QTMAN: variants seen among roughly 807,000 people sequenced by gnomAD.
QTMAN encodes queuosine-tRNA mannosyltransferase, also known as tRNA-queuosine alpha-mannosyltransferase.
At chr2:143,982,236 CT>C in the QTMAN span, among the ~76,000 whole-genome samples, 64 of 145,920 alleles carry the variant, frequency 4.4e-4, no homozygotes, top group Admixed American at 6.8e-4. Context: ...CTTTCTTTCT[CT>C]TTTTTTTTTT....
At chr2:144,035,239 T>C in the QTMAN span, among the ~76,000 whole-genome samples, 1 of 152,304 alleles carries the variant, frequency 6.6e-6, no homozygotes, top group Admixed American at 6.5e-5. Context: ...ACTTCTGCCA[T>C]GATTGTAAGT....
the QTMAN span, among the ~76,000 whole-genome samples, chr2:143,955,089 T>A: frequency 6.6e-6 from 1 of 152,132 alleles, no homozygotes; most frequent in African/African-American, 2.4e-5. Context: ...ATGAATCTGA[T>A]AGGTGAAATT....
the QTMAN span, among the ~76,000 whole-genome samples, chr2:144,132,985 C>T: frequency 0.017 from 2,464 of 146,878 alleles, 26 homozygotes; most frequent in Non-Finnish European, 0.026. Flanking sequence ...AACTGAGGCT[C>T]TGGAAGGTTT....
the QTMAN span, among the ~76,000 whole-genome samples, chr2:144,063,438 C>T: frequency 1.3e-5 from 2 of 152,086 alleles, no homozygotes; most frequent in African/African-American, 2.4e-5. Context: ...CATTATATAA[C>T]AAATGCCTCA....
the QTMAN span, among the ~76,000 whole-genome samples, chr2:144,289,191 A>G: frequency 6.6e-6 from 1 of 151,782 alleles, no homozygotes; most frequent in Non-Finnish European, 1.5e-5. Flanking sequence ...CTGCCACCAT[A>G]CCCAGCTAGA....
the QTMAN span, chr2:144,007,598 A>C: frequency 9.4e-7 from 1 of 1,061,546 alleles, no homozygotes; most frequent in Non-Finnish European, 1.3e-6. Context: ...TTTGTCCTTT[A>C]CCTTCCTGTA....
the QTMAN span, among the ~76,000 whole-genome samples, chr2:144,284,974 A>G: frequency 3.3e-4 from 46 of 139,228 alleles, no homozygotes; most frequent in African/African-American, 1.3e-3. Context: ...GATGTAGTGG[A>G]GCACTCCCGT....
At chr2:144,201,563 A>G in the QTMAN span, among the ~76,000 whole-genome samples, 1 of 152,204 alleles carries the variant, frequency 6.6e-6, no homozygotes, top group Non-Finnish European at 1.5e-5. Flanking sequence ...GGATATAGGC[A>G]CTAAGCTTTC....
the QTMAN span, among the ~76,000 whole-genome samples, chr2:144,104,581 G>A: frequency 3.9e-5 from 6 of 152,196 alleles, no homozygotes; most frequent in African/African-American, 1.4e-4. Flanking sequence ...CAATTGCTGA[G>A]GCTTGACAAG....
At chr2:144,076,033 G>C in the QTMAN span, among the ~76,000 whole-genome samples, 2 of 152,188 alleles carry the variant, frequency 1.3e-5, no homozygotes, top group Admixed American at 6.5e-5. Context: ...TGGATCACGA[G>C]GTCAGGAGAT....
the QTMAN span, chr2:144,208,584 C>T: frequency 6.3e-7 from 1 of 1,598,362 alleles, no homozygotes; most frequent in Non-Finnish European, 8.5e-7. Context: ...GCTGAAAATG[C>T]ATCCTGAGCT....
At chr2:144,229,753 C>A in the QTMAN span, among the ~76,000 whole-genome samples, 6 of 152,150 alleles carry the variant, frequency 3.9e-5, no homozygotes, top group Admixed American at 2.0e-4. Context: ...TAATTCCTCA[C>A]AGAATGAAAT....
At chr2:144,273,766 G>A in the QTMAN span, among the ~76,000 whole-genome samples, 1 of 152,122 alleles carries the variant, frequency 6.6e-6, no homozygotes, top group African/African-American at 2.4e-5. Flanking sequence ...AGGAATTTGA[G>A]GGTCACAACC....
At chr2:144,257,330 T>C in the QTMAN span, among the ~76,000 whole-genome samples, 1 of 151,986 alleles carries the variant, frequency 6.6e-6, no homozygotes, top group African/African-American at 2.4e-5. Flanking sequence ...GGAGTTATGA[T>C]ATTAAGTTTC....
chr2:144,268,820 C>CCA, the QTMAN span, among the ~76,000 whole-genome samples: 1 of 151,876 alleles, frequency 6.6e-6, no homozygotes, highest in African/African-American at 2.4e-5. Context: ...TTTTGACTCT[C>CCA]GCTCTGTCAC....
the QTMAN span, among the ~76,000 whole-genome samples, chr2:144,082,013 G>C: frequency 6.4e-4 from 98 of 152,026 alleles, no homozygotes; most frequent in Non-Finnish European, 1.2e-3. Flanking sequence ...TCAGCCTCCC[G>C]AGTACCTGGA....
At chr2:144,322,842 C>T in the QTMAN span, among the ~76,000 whole-genome samples, 1 of 152,236 alleles carries the variant, frequency 6.6e-6, no homozygotes, top group African/African-American at 2.4e-5. Flanking sequence ...AATATTGGCT[C>T]ACTGAGTTAT....
At chr2:144,295,455 T>C in the QTMAN span, 1 of 152,348 alleles carries the variant, frequency 6.6e-6, no homozygotes, top group South Asian at 2.1e-4. Flanking sequence ...CAACACTCCC[T>C]ATGAATCCAG....
At chr2:144,289,969 A>G in the QTMAN span, among the ~76,000 whole-genome samples, 1 of 152,248 alleles carries the variant, frequency 6.6e-6, no homozygotes, top group Non-Finnish European at 1.5e-5. Flanking sequence ...GGATGTGTAA[A>G]CAGACTGTAA....
Sources: gnomAD v4.1 joint callset for allele counts (sites outside exome capture counted in the v4.1 genomes callset) on GRCh38, gnomAD v4.1.1 for gene constraint, MANE v1.5 for transcripts, NCBI Gene and HGNC (gene_info 2026-07-23, HGNC 2026-07-21) for gene names.